Variants in ACAP2 observed in about 807,000 individuals in gnomAD.
The protein encoded by ACAP2 is ArfGAP with coiled-coil, ankyrin repeat and PH domains 2.
A neutral mutation model predicts 115.8 loss-of-function variants in ACAP2; 39 were observed. The observed-to-expected ratio is 0.34, with a 90% CI of 0.26 to 0.44. The LOEUF (loss-of-function observed/expected upper bound fraction) is 0.44, where lower values mean the gene tolerates loss of function less well. ACAP2 is among the 20% of genes least tolerant of loss of function. The pLI, the probability that ACAP2 is intolerant of heterozygous loss-of-function variation, is 1.00. For missense variants in ACAP2, 662 were observed against 927.6 expected, an observed-to-expected ratio of 0.71 and a Z score of 3.72; for synonymous variants, 289 against 315.8, an observed-to-expected ratio of 0.92 and a Z score of 0.90.
intron 8 of ACAP2, among the ~76,000 whole-genome samples, chr3:195,327,796 T>C (rs1560247371): frequency 6.6e-6 from 1 of 152,028 alleles, no homozygotes; most frequent in Non-Finnish European, 1.5e-5. Context: ...CTGGGCATGG[T>C]GGCAGGTGCC....
chr3:195,302,563 A>G (rs1291850356), intron 13 of ACAP2, among the ~76,000 whole-genome samples: 2 of 152,152 alleles, frequency 1.3e-5, no homozygotes, highest in African/African-American at 2.4e-5. Context: ...AAGGCGTTCA[A>G]TAAACTTTAA....
intron 4 of ACAP2, among the ~76,000 whole-genome samples, chr3:195,368,511 T>C (rs1215503609): frequency 6.6e-6 from 1 of 152,206 alleles, no homozygotes; most frequent in Non-Finnish European, 1.5e-5. Context: ...TCCTCCTGCA[T>C]TCCCATTTGA....
intron 4 of ACAP2, among the ~76,000 whole-genome samples, chr3:195,364,286 G>GCC (rs1359027974): frequency 2.0e-5 from 3 of 152,164 alleles, no homozygotes; most frequent in Non-Finnish European, 4.4e-5. Context: ...CAAAATATCT[G>GCC]AATAGACGTT....
At chr3:195,407,286 C>T (rs899327891) in intron 1 of ACAP2, among the ~76,000 whole-genome samples, 1 of 151,186 alleles carries the variant, frequency 6.6e-6, no homozygotes, top group African/African-American at 2.4e-5. Flanking sequence ...TTGTTTGAGC[C>T]CAAGAGTTTG....
intron 1 of ACAP2, chr3:195,442,426 A>C: frequency 1.5e-5 from 5 of 344,586 alleles, no homozygotes; most frequent in Non-Finnish European, 2.1e-5. Context: ...GGAAGGGGGA[A>C]GGAAGAGCAG....
intron 1 of ACAP2, among the ~76,000 whole-genome samples, chr3:195,441,576 C>T (rs572328018): frequency 6.6e-6 from 1 of 152,250 alleles, no homozygotes; most frequent in East Asian, 1.9e-4. Flanking sequence ...AATAAGAAAT[C>T]CAATTAACAG....
intron 4 of ACAP2, among the ~76,000 whole-genome samples, chr3:195,379,382 A>T (rs1443118546): frequency 2.0e-5 from 3 of 152,234 alleles, no homozygotes; most frequent in African/African-American, 7.2e-5. Context: ...AAGAAAACCT[A>T]CAAAATGAGA....
intron 4 of ACAP2, among the ~76,000 whole-genome samples, chr3:195,374,726 CTTTTT>C (rs895917513): frequency 6.6e-6 from 1 of 151,796 alleles, no homozygotes; most frequent in Non-Finnish European, 1.5e-5. Context: ...CTTTTCTTTT[CTTTTT>C]TGAGACGGAG....
chr3:195,334,084 T>C (rs1730345667), intron 7 of ACAP2, among the ~76,000 whole-genome samples: 1 of 152,108 alleles, frequency 6.6e-6, no homozygotes, highest in Non-Finnish European at 1.5e-5. Flanking sequence ...AGGAATTACA[T>C]AATTAAATGA....
At position 195,336,791 on chromosome 3, in the gene ACAP2, A is replaced by G. The variant is rs965927498; in HGVS notation, c.573+141T>C. The G allele has an allele frequency of 9.7e-6, 7 of 723,102 alleles. No homozygotes were observed. The East Asian group carries it at 1.1e-4, about 12-fold the overall frequency. 44.8% of individuals were successfully genotyped at this position (723,102 alleles called of 1,614,324 possible). A position where few individuals can be genotyped will look rare whatever the true frequency, so the allele number is the denominator to read the frequency against. The stretch of plus-strand genomic sequence containing the variant: ...GAGACAAAAAGAAGTCCAGTGCCAC[A>G]TAAGAAACACAAATGAAGATCAAAA... On this transcript the variant is annotated intron_variant, in intron 7 of 22. Transcript: ENST00000326793.
At chr3:195,354,874 T>C (rs1030918111) in intron 4 of ACAP2, among the ~76,000 whole-genome samples, 1 of 152,222 alleles carries the variant, frequency 6.6e-6, no homozygotes, top group Admixed American at 6.5e-5. Context: ...TTACTGGCTT[T>C]GTTTTGGAGA....
intron 4 of ACAP2, among the ~76,000 whole-genome samples, chr3:195,359,822 G>A (rs1399198772): frequency 4.6e-5 from 7 of 152,082 alleles, no homozygotes; most frequent in Non-Finnish European, 8.8e-5. Flanking sequence ...TGCAATCAGT[G>A]TTGATTTGCT....
chr3:195,416,189 T>C lies in ACAP2; in HGVS notation c.54-24042A>G, dbSNP rs541173043. ...GGTGAAACCCTGTCTCTACTAAAAA[T>C]ACAAAAAGTTAGCCGGCATGGTGGC... On this transcript the variant is annotated intron_variant, in intron 1 of 22. Transcript: ENST00000326793. Among the ~76,000 whole-genome samples the C allele has an allele frequency of 5.7e-4, 86 of 152,038 alleles. 2 individuals are homozygous for C. Among genetic ancestry groups the C allele is most frequent in the Admixed American group, 5.2e-4 (8 of 15,272 alleles).
At chr3:195,290,146 G>T (rs970561676) in intron 20 of ACAP2, among the ~76,000 whole-genome samples, 1 of 152,088 alleles carries the variant, frequency 6.6e-6, no homozygotes, top group Non-Finnish European at 1.5e-5. Flanking sequence ...AGAGGTAGGG[G>T]GAATCACTTG....
At chr3:195,362,677 T>C (rs891789511) in intron 4 of ACAP2, among the ~76,000 whole-genome samples, 2 of 152,290 alleles carry the variant, frequency 1.3e-5, no homozygotes, top group South Asian at 4.1e-4. Context: ...ATTCAACATA[T>C]GCAAATCAAT....
At chr3:195,393,866 C>T (rs58212573) in intron 1 of ACAP2, among the ~76,000 whole-genome samples, 3,359 of 126,230 alleles carry the variant, frequency 0.027, 125 homozygotes, top group African/African-American at 0.096. Context: ...GAAATCTGCA[C>T]AGGATAGAGT....
intron 18 of ACAP2, among the ~76,000 whole-genome samples, chr3:195,293,180 T>C (rs1004114177): frequency 1.3e-5 from 2 of 152,178 alleles, no homozygotes; most frequent in Non-Finnish European, 2.9e-5. Context: ...AGTATATTCC[T>C]AAATGTTGGG....
At position 195,338,343 on chromosome 3, in the gene ACAP2, G is replaced by A. The variant is rs1331014686; in HGVS notation, c.529-1367C>T. Among the ~76,000 whole-genome samples, 4 of 152,238 alleles carry A rather than the reference G, an allele frequency of 2.6e-5. No homozygotes were observed. The East Asian group carries it at 5.8e-4, about 22-fold the overall frequency. On this transcript the variant is annotated intron_variant, in intron 6 of 22. Transcript: ENST00000326793. ...CTCTGTTGCCCACCCTGGCCGGAGT[G>A]CAGTGGCATGATCAGATCTCACTGC...
chr3:195,310,330 T>A (rs1210160328), intron 10 of ACAP2, among the ~76,000 whole-genome samples: 1 of 152,154 alleles, frequency 6.6e-6, no homozygotes, highest in Non-Finnish European at 1.5e-5. Context: ...ATGCAAATCA[T>A]CAAGAGGTAG....
Sources: allele counts gnomAD v4.1 joint callset (sites outside exome capture counted in the v4.1 genomes callset), GRCh38; gene constraint gnomAD v4.1.1; transcripts MANE v1.5; gene names NCBI Gene and HGNC (gene_info 2026-07-23, HGNC 2026-07-21).